The following LHPP variants were observed in gnomAD, a reference collection of about 807,000 sequenced individuals.
LHPP encodes the protein phospholysine phosphohistidine inorganic pyrophosphate phosphatase, also known as hLHPP.
A neutral mutation model predicts 30.3 loss-of-function variants in LHPP; 24 were observed. The observed-to-expected ratio is 0.79, with a 90% CI of 0.57 to 1.11. The LOEUF (loss-of-function observed/expected upper bound fraction) is 1.11. LHPP is among the 50% of genes most tolerant of loss of function. The pLI is 0.00. For synonymous variants in LHPP, 150 were observed against 157.1 expected (o/e 0.95, Z 0.34); for missense variants, 356 against 367.2 (o/e 0.97, Z 0.25).
intron 6 of LHPP, among the ~76,000 whole-genome samples, chr10:124,588,286 CT>C (rs113760250): frequency 0.041 from 5,981 of 144,758 alleles, 455 homozygotes; most frequent in African/African-American, 0.15. Flanking sequence ...TATGCTTTTA[CT>C]TTTTTCTCTT....
At chr10:124,464,006 A>G (rs1219873678) in intron 1 of LHPP, among the ~76,000 whole-genome samples, 3 of 151,380 alleles carry the variant, frequency 2.0e-5, no homozygotes, top group African/African-American at 7.3e-5. Context: ...TTTTGTAGAG[A>G]TGGGGTTTTG....
intron 6 of LHPP, among the ~76,000 whole-genome samples, chr10:124,570,485 A>G (rs1564836031): frequency 6.6e-6 from 1 of 152,238 alleles, no homozygotes; most frequent in East Asian, 1.9e-4. Context: ...TTCACATGCC[A>G]TACAATTCCT....
intron 1 of LHPP, among the ~76,000 whole-genome samples, chr10:124,476,290 C>T (rs1952942936): frequency 6.6e-6 from 1 of 152,134 alleles, no homozygotes. Context: ...TGCAGGTGCT[C>T]AACAGCGTCT....
intron 6 of LHPP, among the ~76,000 whole-genome samples, chr10:124,556,687 C>T (rs1948305603): frequency 6.6e-6 from 1 of 152,168 alleles, no homozygotes; most frequent in South Asian, 2.1e-4. Context: ...ACAAATAACA[C>T]CGAGGACTAG....
intron 1 of LHPP, among the ~76,000 whole-genome samples, chr10:124,462,967 A>G (rs1952447945): frequency 6.6e-6 from 1 of 152,198 alleles, no homozygotes; most frequent in Admixed American, 6.5e-5. Flanking sequence ...TCCCAGGTTC[A>G]AGCGATTCTC....
At chr10:124,607,421 G>A (rs987223691) in intron 6 of LHPP, among the ~76,000 whole-genome samples, 1 of 152,244 alleles carries the variant, frequency 6.6e-6, no homozygotes, top group African/African-American at 2.4e-5. Context: ...GCTGCGTGTG[G>A]GCAAACACCG....
At chr10:124,549,406 C>T (rs966828264) in intron 6 of LHPP, among the ~76,000 whole-genome samples, 1 of 151,884 alleles carries the variant, frequency 6.6e-6, no homozygotes, top group Admixed American at 6.6e-5. Context: ...GCCATGCACT[C>T]CAGCCTGGAC....
chr10:124,502,052 A>G lies in LHPP; in HGVS notation c.624+3924A>G, dbSNP rs543059590. Among the ~76,000 whole-genome samples, 8 of 152,114 alleles carry G rather than the reference A, an allele frequency of 5.3e-5. No individual in the cohort carries two copies. The East Asian group carries it at 1.2e-3, about 22-fold the overall frequency. On this transcript the variant is annotated intron_variant, in intron 5 of 6. Transcript: ENST00000368842. Reference sequence around the variant, plus strand: ...AATAACCACTTTAAAATTGTTTTCAACTTTTCATTTTGAAGTAACTTGACA... The same window carrying G: ...AATAACCACTTTAAAATTGTTTTCAGCTTTTCATTTTGAAGTAACTTGACA...
At chr10:124,482,222 A>C (rs767625104) in intron 1 of LHPP, among the ~76,000 whole-genome samples, 1 of 152,200 alleles carries the variant, frequency 6.6e-6, no homozygotes. Flanking sequence ...CACATCTGTA[A>C]ACAGAACTTG....
intron 6 of LHPP, among the ~76,000 whole-genome samples, chr10:124,544,430 G>A (rs1055551013): frequency 2.0e-5 from 3 of 152,206 alleles, no homozygotes; most frequent in Non-Finnish European, 2.9e-5. Context: ...GACACCTGGG[G>A]AGCCAGGTGT....
chr10:124,557,432 G>A (rs566836464), intron 6 of LHPP, among the ~76,000 whole-genome samples: 182 of 152,356 alleles, frequency 1.2e-3, no homozygotes, highest in Middle Eastern at 6.8e-3. Context: ...GCCGCTGGAC[G>A]AGTTCCAAAG....
intron 6 of LHPP, among the ~76,000 whole-genome samples, chr10:124,522,400 C>T (rs575271972): frequency 4.6e-5 from 7 of 152,276 alleles, no homozygotes; most frequent in Middle Eastern, 3.4e-3. Flanking sequence ...GTGTCTCCTC[C>T]GTGGGGGGTC....
chr10:124,611,060 T>A (rs1482866993), intron 6 of LHPP, among the ~76,000 whole-genome samples: 1 of 148,536 alleles, frequency 6.7e-6, no homozygotes, highest in Non-Finnish European at 1.5e-5. Flanking sequence ...GGGGGCCGCA[T>A]ACTCATCCCC....
rs754311623 is a variant in LHPP at position 124,541,647 on chromosome 10, C to A, written c.716+24376C>A. Among the ~76,000 whole-genome samples the A allele has an allele frequency of 9.9e-5, 15 of 152,144 alleles. No homozygotes were observed. Among genetic ancestry groups the A allele is most frequent in the Admixed American group, 2.0e-4 (3 of 15,282 alleles). ...TGTGTGTCTAGGCAAATGCCTTGGGCACTCGAGGGGGCACTGAGGCCCTGG... is the reference window on the plus strand; with the variant it reads ...TGTGTGTCTAGGCAAATGCCTTGGGAACTCGAGGGGGCACTGAGGCCCTGG... On this transcript the variant is annotated intron_variant, in intron 6 of 6. Transcript: ENST00000368842. This position sits in a 1 kb window ranked among gnomAD's most constrained non-coding sequence, Gnocchi z 4.2.
In LHPP at chr10:124,510,553, G is replaced by A. The variant is rs1014247645; in HGVS notation, c.625-6627G>A. Among the ~76,000 whole-genome samples the A allele has an allele frequency of 2.0e-5, 3 of 152,220 alleles. No homozygotes were observed. Among genetic ancestry groups the A allele is most frequent in the Non-Finnish European group, 2.9e-5 (2 of 68,046 alleles). ...ACCACGTTCCTCTGGTCCTGTCTCC[G>A]TGGGCCACATCCACAAATGTTCCAG... is the stretch of plus-strand genomic sequence containing the variant. On this transcript the variant is annotated intron_variant, in intron 5 of 6. Coordinates refer to ENST00000368842, the MANE Select transcript of LHPP (RefSeq NM_022126.4). The surrounding 1 kb of genome is among the most constrained non-coding windows in gnomAD (Gnocchi z 4.0).
At chr10:124,547,365 A>G (rs997342798) in intron 6 of LHPP, among the ~76,000 whole-genome samples, 21 of 152,214 alleles carry the variant, frequency 1.4e-4, no homozygotes, top group African/African-American at 5.1e-4. Flanking sequence ...TTTCTCATAA[A>G]TATTTCAACT....
chr10:124,536,849 G>A (rs1003920934), intron 6 of LHPP, among the ~76,000 whole-genome samples: 7 of 152,106 alleles, frequency 4.6e-5, no homozygotes, highest in African/African-American at 1.7e-4. Context: ...CATCCTGGTG[G>A]GTCGTGTTGG....
chr10:124,573,024 C>T (rs1042309135), intron 6 of LHPP, among the ~76,000 whole-genome samples: 17 of 152,326 alleles, frequency 1.1e-4, no homozygotes, highest in East Asian at 3.9e-4. Flanking sequence ...GTGTGGGTAA[C>T]GCAGTTGTGC....
At chr10:124,463,820 C>CTT (rs35122241) in intron 1 of LHPP, among the ~76,000 whole-genome samples, 2,748 of 120,692 alleles carry the variant, frequency 0.023, 118 homozygotes, top group African/African-American at 0.076. Context: ...ATTTTTTTTT[C>CTT]TTTTTTTTTT....
Sources: allele counts gnomAD v4.1 joint callset (sites outside exome capture counted in the v4.1 genomes callset), GRCh38; gene constraint gnomAD v4.1.1; non-coding constraint Gnocchi (gnomAD v3.1); transcripts MANE v1.5; gene names NCBI Gene and HGNC (gene_info 2026-07-23, HGNC 2026-07-21).